Variants in MOG observed in about 807,000 individuals in gnomAD.
The protein encoded by MOG is myelin-oligodendrocyte glycoprotein.
MOG carries 20 observed loss-of-function variants against 35.9 expected under a neutral mutation model. That is an observed-to-expected ratio of 0.56 (90% confidence interval 0.39 to 0.81). The LOEUF is 0.81. Ranked by LOEUF, MOG falls within the 30% of genes least tolerant of loss-of-function variation. MOG has a pLI of 0.00. For synonymous variants in MOG, 92 were observed against 114.3 expected, an observed-to-expected ratio of 0.80 and a Z score of 1.25; for missense variants, 251 against 301.0, an observed-to-expected ratio of 0.83 and a Z score of 1.23.
intron 2 of MOG, among the ~76,000 whole-genome samples, chr6:29,660,593 T>C (rs1162308948): frequency 6.8e-6 from 1 of 147,204 alleles, no homozygotes; most frequent in Non-Finnish European, 1.5e-5. Flanking sequence ...CACACACCTG[T>C]GCTTGGTCCT....
chr6:29,659,545 TG>T lies in MOG; in HGVS notation c.317del (p.Gly106ValfsTer5). ...GGACAGAGCTGCTGAAAGATGCTAT[TG>T]GTGAGGGAAAGGTGACTCTCAGGAT... ...GRTELLKDAI[G>X]EGKVTLRIRN... On this transcript the variant is annotated frameshift_variant, in exon 2 of 8. Coordinates refer to ENST00000376917, the MANE Select transcript of MOG (RefSeq NM_206809.4). LOFTEE classifies it high-confidence loss of function. The T allele has an allele frequency of 6.2e-7, 1 of 1,613,012 alleles. No homozygotes were observed. Among genetic ancestry groups the T allele is most frequent in the Non-Finnish European group, 8.5e-7 (1 of 1,180,024 alleles).
intron 2 of MOG, chr6:29,661,922 T>C (rs1251694914): frequency 1.0e-6 from 1 of 984,616 alleles, no homozygotes; most frequent in Non-Finnish European, 1.2e-6. Context: ...CATTCCAACC[T>C]CCTGTTCCCA....
chr6:29,668,391 C>T (rs1562204018), intron 5 of MOG, among the ~76,000 whole-genome samples: 2 of 152,166 alleles, frequency 1.3e-5, no homozygotes, highest in Admixed American at 6.5e-5. Flanking sequence ...GAAAAGCCAC[C>T]AAGCCCCACT....
At position 29,671,656 on chromosome 6, in the gene MOG, G is replaced by A; in HGVS notation, c.*471G>A. 1 of 619,292 alleles carries A rather than the reference G, an allele frequency of 1.6e-6. No individual in the cohort carries two copies. Among genetic ancestry groups the A allele is most frequent in the Non-Finnish European group, 2.9e-6 (1 of 348,312 alleles). The allele number at this position is 619,292 out of a possible 1,614,324, so 38.4% of individuals were successfully genotyped here. On this transcript the variant is annotated 3_prime_UTR_variant, in exon 8 of 8. Transcript: ENST00000376917. ...TGTGAAGGGAAGGAAGAGGAAGAGT[G>A]CAAAACATTGAAGAGAGAGCTGAGT...
chr6:29,669,084 C>A (rs1404230837), intron 5 of MOG, among the ~76,000 whole-genome samples: 2 of 151,990 alleles, frequency 1.3e-5, no homozygotes, highest in Admixed American at 6.6e-5. Context: ...CCACACCCAG[C>A]TAATTTTTGT....
At chr6:29,661,689 G>T (rs1411330709) in intron 2 of MOG, 1 of 819,324 alleles carries the variant, frequency 1.2e-6, no homozygotes. Flanking sequence ...GCGTGGTGGC[G>T]CATTCCTGTA....
chr6:29,660,481 A>G (rs1434532411), intron 2 of MOG, among the ~76,000 whole-genome samples: 2 of 148,912 alleles, frequency 1.3e-5, no homozygotes, highest in East Asian at 2.0e-4. Flanking sequence ...AGTGAGCCAA[A>G]ATCCTTCCAC....
At chr6:29,665,699 T>A (rs1260943755) in intron 2 of MOG, among the ~76,000 whole-genome samples, 1 of 152,026 alleles carries the variant, frequency 6.6e-6, no homozygotes. Flanking sequence ...CAGCTTGGAA[T>A]CCTTCAGTGC....
chr6:29,666,040 A>G, intron 2 of MOG, 112 bp from the exon 3 acceptor site: 1 of 808,260 alleles, frequency 1.2e-6, no homozygotes, highest in Non-Finnish European at 2.2e-6. Context: ...CCTTCTTTGA[A>G]TCCTGATGAT....
At chr6:29,663,266 CAAA>C (rs34825987) in intron 2 of MOG, among the ~76,000 whole-genome samples, 1 of 61,440 alleles carries the variant, frequency 1.6e-5, no homozygotes, top group Non-Finnish European at 3.0e-5. Flanking sequence ...GAGTGAGACT[CAAA>C]AAAAAAAAAA....
intron 2 of MOG, among the ~76,000 whole-genome samples, chr6:29,660,226 C>CA (rs913672624): frequency 1.3e-5 from 2 of 151,828 alleles, no homozygotes; most frequent in African/African-American, 4.8e-5. Context: ...AAAACAAAAA[C>CA]AAAAAAACCC....
chr6:29,660,787 C>T (rs1265434712), intron 2 of MOG, among the ~76,000 whole-genome samples: 1 of 149,170 alleles, frequency 6.7e-6, no homozygotes, highest in East Asian at 2.0e-4. Flanking sequence ...AGTGCAATGG[C>T]GCCCTCCGCC....
At chr6:29,669,206 C>G (rs142289880) in intron 5 of MOG, among the ~76,000 whole-genome samples, 2,083 of 152,008 alleles carry the variant, frequency 0.014, 20 homozygotes, top group South Asian at 0.028. Context: ...CGGGCATGAG[C>G]CACCGTGCCC....
intron 5 of MOG, 115 bp downstream of exon 5, chr6:29,668,039 TTTTC>T: frequency 3.2e-6 from 3 of 924,782 alleles, no homozygotes; most frequent in Non-Finnish European, 5.3e-6. Context: ...CTCTCTTCTC[TTTTC>T]TTTCTTTAAA....
intron 2 of MOG, chr6:29,664,528 C>T: frequency 2.5e-6 from 1 of 401,370 alleles, no homozygotes; most frequent in Non-Finnish European, 4.9e-6. Flanking sequence ...CTTAAAAGCT[C>T]TAGAAGAGGG....
intron 2 of MOG, among the ~76,000 whole-genome samples, chr6:29,665,737 G>GCTTAAATAGGGAATAAA (rs1562196707): frequency 0.054 from 7,966 of 146,660 alleles, 441 homozygotes; most frequent in African/African-American, 0.13. Flanking sequence ...CTACATATTT[G>GCTTAAATAGGGAATAAA]AAATACATAT....
intron 2 of MOG, among the ~76,000 whole-genome samples, chr6:29,663,326 C>T (rs1769355956): frequency 6.9e-6 from 1 of 143,958 alleles, no homozygotes; most frequent in African/African-American, 2.6e-5. Context: ...AAATAAATAA[C>T]CACAATACTA....
At position 29,667,925 on chromosome 6, in the gene MOG, G is replaced by GT; in HGVS notation, c.592+2dup. The GT allele has an allele frequency of 6.2e-7, 1 of 1,613,170 alleles. No individual in the cohort carries two copies. Among genetic ancestry groups the GT allele is most frequent in the South Asian group, 1.1e-5 (1 of 91,076 alleles). On this transcript the variant is annotated splice_donor_variant, in intron 5 of 7. Coordinates refer to ENST00000376917, the MANE Select transcript of MOG (RefSeq NM_206809.4). LOFTEE classifies it high-confidence loss of function. ...TCAGAGAATCTCCACCGGACTTTTG[G>GT]TAAGTTCCGGCATGTCTAGGCCCTC...
chr6:29,660,707 CT>C (rs9278230), intron 2 of MOG, among the ~76,000 whole-genome samples: 118,660 of 141,210 alleles, frequency 0.84, 50,110 homozygotes, highest in East Asian at 0.97. Context: ...TGCAGAATTT[CT>C]TTTTTTTTTT....
Sources: gnomAD v4.1 joint callset for allele counts (sites outside exome capture counted in the v4.1 genomes callset) on GRCh38, gnomAD v4.1.1 for gene constraint, MANE v1.5 for transcripts, NCBI Gene and HGNC (gene_info 2026-07-23, HGNC 2026-07-21) for gene names.